The following UMAD1 variants were observed in gnomAD, a reference collection of about 807,000 sequenced individuals.
UMAD1 encodes the protein UBAP1-MVB12-associated (UMA)-domain containing protein 1.
Under a neutral mutation model 6.1 loss-of-function variants are expected in UMAD1, and 8 were observed. The ratio of observed to expected loss-of-function variants is 1.30; its 90% CI spans 0.76 to 2.35. The LOEUF (loss-of-function observed/expected upper bound fraction) is 2.35. Among genes scored for constraint, UMAD1 ranks in the 30% most tolerant of loss-of-function variants. The pLI is 0.00. For synonymous variants in UMAD1, 56 were observed against 31.4 expected, an observed-to-expected ratio of 1.78 and a Z score of -2.61; for missense variants, 130 against 78.4, an observed-to-expected ratio of 1.66 and a Z score of -2.49.
chr7:7,814,557 A>C (rs1783088975), intron 3 of UMAD1, among the ~76,000 whole-genome samples: 1 of 152,140 alleles, frequency 6.6e-6, no homozygotes, highest in South Asian at 2.1e-4. Context: ...TAGTTGCCTC[A>C]TTCATTTTGT....
In UMAD1 at chr7:7,653,002, T is replaced by C. The variant is rs543186625; in HGVS notation, c.-64+12181T>C. Among the ~76,000 whole-genome samples the C allele has an allele frequency of 5.9e-5, 9 of 152,374 alleles. No individual in the cohort carries two copies. The South Asian group carries it at 1.9e-3, about 32-fold the overall frequency. ...TTTTACATTTATTCTTGCTCCCCAG[T>C]GCTCTAGAGAGTTGTAAAGAGGTGT... On this transcript the variant is annotated intron_variant, in intron 1 of 3. Transcript: ENST00000682710.
chr7:7,875,978 T>C (rs1399173407), intron 3 of UMAD1, among the ~76,000 whole-genome samples: 2 of 152,292 alleles, frequency 1.3e-5, no homozygotes, highest in East Asian at 3.9e-4. Context: ...CTTGGGAGGC[T>C]GAGACAGGGA....
At chr7:7,769,309 C>A (rs777534703) in intron 2 of UMAD1, among the ~76,000 whole-genome samples, 1 of 152,014 alleles carries the variant, frequency 6.6e-6, no homozygotes, top group Non-Finnish European at 1.5e-5. Flanking sequence ...AAAATAATTG[C>A]CCTTTAATGT....
intron 2 of UMAD1, among the ~76,000 whole-genome samples, chr7:7,729,162 T>A (rs1781198740): frequency 6.6e-6 from 1 of 152,138 alleles, no homozygotes; most frequent in Non-Finnish European, 1.5e-5. Context: ...AATGGCTGTT[T>A]GGTGGGAGGG....
At chr7:7,748,295 G>A (rs1057000409) in intron 2 of UMAD1, among the ~76,000 whole-genome samples, 3 of 151,786 alleles carry the variant, frequency 2.0e-5, no homozygotes, top group African/African-American at 4.8e-5. Context: ...TTTTTGTTAT[G>A]TAATTGTTTA....
chr7:7,658,334 C>G (rs1331710651), intron 1 of UMAD1, among the ~76,000 whole-genome samples: 1 of 152,240 alleles, frequency 6.6e-6, no homozygotes, highest in Admixed American at 6.5e-5. Flanking sequence ...CTGGCCAGAA[C>G]TTCTAATACT....
At chr7:7,786,512 C>T (rs991440369) in intron 2 of UMAD1, among the ~76,000 whole-genome samples, 6 of 152,064 alleles carry the variant, frequency 3.9e-5, no homozygotes, top group African/African-American at 7.2e-5. Context: ...GAGGTAGATG[C>T]GTAGTGTACA....
intron 2 of UMAD1, among the ~76,000 whole-genome samples, chr7:7,719,448 G>T (rs1780998355): frequency 6.6e-6 from 1 of 152,234 alleles, no homozygotes; most frequent in African/African-American, 2.4e-5. Flanking sequence ...CAATAAGCCA[G>T]CTTCAGCCTC....
At chr7:7,860,926 G>A (rs1185807176) in intron 3 of UMAD1, among the ~76,000 whole-genome samples, 3 of 152,052 alleles carry the variant, frequency 2.0e-5, no homozygotes, top group Non-Finnish European at 4.4e-5. Flanking sequence ...CCTTAAAAAG[G>A]AATGAAATTC....
chr7:7,777,740 A>T (rs2115248916), intron 2 of UMAD1, among the ~76,000 whole-genome samples: 1 of 152,080 alleles, frequency 6.6e-6, no homozygotes, highest in African/African-American at 2.4e-5. Context: ...ATCTACTTCC[A>T]GATACTCGTG....
At chr7:7,766,106 C>T (rs1750691493) in intron 2 of UMAD1, among the ~76,000 whole-genome samples, 1 of 152,106 alleles carries the variant, frequency 6.6e-6, no homozygotes, top group Non-Finnish European at 1.5e-5. Flanking sequence ...TAGCAGTTTC[C>T]TTCTTTTAAT....
In UMAD1 at chr7:7,790,884, T is replaced by C. The variant is rs140425652; in HGVS notation, c.83-10786T>C. On this transcript the variant is annotated intron_variant, in intron 2 of 3. Transcript: ENST00000682710. ...ATGATCTGTGATTTGCAAGTGACTG[T>C]TTTTCATTTTTTGTTTTTTTGATAC... is the stretch of plus-strand genomic sequence containing the variant. 1.7e-3 allele frequency among the ~76,000 whole-genome samples: 259 copies of C among 150,064 alleles called. 2 individuals carry two copies. The highest frequency in any genetic ancestry group is 6.5e-3 in the African/African-American group (254 of 39,368).
intron 3 of UMAD1, among the ~76,000 whole-genome samples, chr7:7,817,061 A>G (rs1206372360): frequency 6.6e-6 from 1 of 152,206 alleles, no homozygotes; most frequent in Non-Finnish European, 1.5e-5. Context: ...CTGTGTCACC[A>G]TACAGAGTTT....
chr7:7,742,480 A>C, intron 2 of UMAD1: 2 of 530,862 alleles, frequency 3.8e-6, no homozygotes, highest in South Asian at 2.8e-5. Context: ...ACCTTTCAAC[A>C]CTGCCTTCTT....
At chr7:7,719,415 C>G (rs1050950890) in intron 2 of UMAD1, among the ~76,000 whole-genome samples, 11 of 152,340 alleles carry the variant, frequency 7.2e-5, no homozygotes, top group African/African-American at 2.6e-4. Context: ...ATCTCTCTGG[C>G]AAGCCCACAT....
At chr7:7,803,850 A>G (rs1273079807) in intron 3 of UMAD1, among the ~76,000 whole-genome samples, 2 of 152,146 alleles carry the variant, frequency 1.3e-5, no homozygotes, top group African/African-American at 2.4e-5. Flanking sequence ...TTAGGTTTCA[A>G]CATACGAATT....
rs984200077 is a variant in UMAD1 at position 7,857,118 on chromosome 7, T to C, written c.157-20163T>C. On this transcript the variant is annotated intron_variant, in intron 3 of 3. Coordinates refer to ENST00000682710, the MANE Select transcript of UMAD1 (RefSeq NM_001302348.2). ...GCAATTAAATAAATAGGAAGTAAAA[T>C]ATACACACGGGTCTTTTAAAAAATC... Among the ~76,000 whole-genome samples, 24 of 152,336 alleles carry C rather than the reference T, an allele frequency of 1.6e-4. 1 individual carries two copies. The highest frequency in any genetic ancestry group is 5.5e-4 in the African/African-American group (23 of 41,580).
At chr7:7,648,194 C>G (rs1470873492) in intron 1 of UMAD1, among the ~76,000 whole-genome samples, 1 of 152,142 alleles carries the variant, frequency 6.6e-6, no homozygotes, top group Non-Finnish European at 1.5e-5. Flanking sequence ...TCCATTAGGA[C>G]TTAATTGCCT....
At chr7:7,664,655 C>G (rs1307023652) in intron 1 of UMAD1, among the ~76,000 whole-genome samples, 1 of 152,184 alleles carries the variant, frequency 6.6e-6, no homozygotes, top group Non-Finnish European at 1.5e-5. Context: ...TTATACACAT[C>G]AGATGAAGTT....
Sources: gnomAD v4.1 joint callset for allele counts (sites outside exome capture counted in the v4.1 genomes callset) on GRCh38, gnomAD v4.1.1 for gene constraint, MANE v1.5 for transcripts, NCBI Gene and HGNC (gene_info 2026-07-23, HGNC 2026-07-21) for gene names.